NHSL2: variants seen among roughly 807,000 people sequenced by gnomAD.
The protein encoded by NHSL2 is NHS like 2.
Under a neutral mutation model 53.4 loss-of-function variants are expected in NHSL2, and 27 were observed. That is an observed-to-expected ratio of 0.51 (90% CI 0.37 to 0.70). The LOEUF is 0.70. Among genes scored for constraint, NHSL2 ranks in the 30% least tolerant of loss-of-function variants. The pLI is 0.00. For missense variants in NHSL2, 892 were observed against 980.1 expected (o/e 0.91, Z 1.20); for synonymous variants, 408 against 404.1 (o/e 1.01, Z -0.12).
chrX:72,144,606 A>AG lies in NHSL2; in HGVS notation c.*1034dup, dbSNP rs1285882640. 4 of 910,944 alleles carry AG rather than the reference A, an allele frequency of 4.4e-6. No homozygotes were observed. The Admixed American group carries it at 1.0e-4, about 23-fold the overall frequency. 75.1% of individuals were successfully genotyped at this position (910,944 alleles called of 1,213,427 possible). On this transcript the variant is annotated 3_prime_UTR_variant, in exon 8 of 8. Coordinates refer to ENST00000633930, the MANE Select transcript of NHSL2 (RefSeq NM_001013627.3). ...TTGTGGTTGGTTTGGTTTTGTTTAA[A>AG]GGAAGTCCGACTCTGTTCCAAAAAC...
Position 72,132,152 on chromosome X carries a change from C to A in NHSL2, c.354C>A (p.Asn118Lys). 1 of 1,166,529 alleles carries A rather than the reference C, an allele frequency of 8.6e-7. No homozygotes were observed. Among genetic ancestry groups the A allele is most frequent in the Non-Finnish European group, 1.1e-6 (1 of 872,084 alleles). Reference protein sequence around the residue: ...HSRSSWRQPVNVFLSSGRPPS... With the variant: ...HSRSSWRQPVKVFLSSGRPPS... ...GGTCGTCATGGCGACAGCCAGTGAA[C>A]GTGTTCCTCTCCTCGGGCAGGCCCC... The change falls in exon 2 of 8, where the codon AAC (asparagine) becomes AAA (lysine). Residue 118 changes from asparagine (N) to lysine (K), a missense_variant. Coordinates refer to ENST00000633930, the MANE Select transcript of NHSL2 (RefSeq NM_001013627.3).
intron 1 of NHSL2, among the ~76,000 whole-genome samples, chrX:72,109,684 G>A (rs1451870091): frequency 9.0e-6 from 1 of 110,697 alleles, no homozygotes; most frequent in Non-Finnish European, 1.9e-5. Flanking sequence ...GGCCAGGCTG[G>A]TCTCGAACTC....
intron 1 of NHSL2, among the ~76,000 whole-genome samples, chrX:72,059,687 A>G: frequency 8.9e-6 from 1 of 111,812 alleles, no homozygotes; most frequent in East Asian, 2.8e-4. Context: ...GACAACTGGC[A>G]ATGAATGGAT....
intron 1 of NHSL2, among the ~76,000 whole-genome samples, chrX:71,980,566 TG>T (rs753078653): frequency 6.0e-4 from 1 of 1,673 alleles, no homozygotes; most frequent in African/African-American, 2.2e-3. Flanking sequence ...GTGGGGTGTG[TG>T]GGGTGTGTGT....
rs1427410792 is a variant in NHSL2, at chrX:72,143,250, T to C, written c.3357-3T>C. ...CACTCAGACCAAACTTTCTCTTATC[T>C]AGGTCCAAAAGGAAGCTGCTCGGCT... On this transcript the variant is annotated splice_polypyrimidine_tract_variant and splice_region_variant and intron_variant, in intron 7 of 7. Coordinates refer to ENST00000633930, the MANE Select transcript of NHSL2 (RefSeq NM_001013627.3). 8.7e-7 allele frequency: 1 copy of C among 1,146,322 alleles called. No homozygotes were observed. 94.5% of individuals were successfully genotyped at this position (1,146,322 alleles called of 1,213,427 possible). A position where few individuals can be genotyped will look rare whatever the true frequency, so the allele number is the denominator to read the frequency against.
chrX:71,936,234 C>T (rs759556037), intron 1 of NHSL2, among the ~76,000 whole-genome samples: 1 of 111,875 alleles, frequency 8.9e-6, no homozygotes, highest in Non-Finnish European at 1.9e-5. Flanking sequence ...GCAGGCTGTG[C>T]TCCCGAAGCC....
At chrX:71,932,260 C>T (rs777586762) in intron 1 of NHSL2, among the ~76,000 whole-genome samples, 66 of 110,115 alleles carry the variant, frequency 6.0e-4, no homozygotes, top group Non-Finnish European at 6.4e-4. Flanking sequence ...GCAAGAACAT[C>T]GTTCTCAAAG....
chrX:72,063,359 G>A (rs2042409844), intron 1 of NHSL2, among the ~76,000 whole-genome samples: 1 of 112,033 alleles, frequency 8.9e-6, no homozygotes, highest in African/African-American at 3.3e-5. Context: ...GGGCTACTAT[G>A]TGTCAGGCAC....
chrX:72,081,653 C>A (rs1022566644), intron 1 of NHSL2, among the ~76,000 whole-genome samples: 4 of 112,057 alleles, frequency 3.6e-5, no homozygotes, highest in Non-Finnish European at 7.5e-5. Flanking sequence ...AAAACAGACG[C>A]AGCTGCTCAA....
rs1357999088 is a variant in NHSL2 at position 72,139,132 on chromosome X, T to C, written c.1584T>C (p.Ser528=). The change falls in exon 6 of 8, where the codon AGT becomes AGC. Residue 528 remains serine, a synonymous_variant. Transcript: ENST00000633930. The part of the protein sequence containing the change: ...ANEACALPFA[S]TSSEGSNSAD... Reference sequence around the variant, plus strand: ...AGGCCTGTGCCCTGCCTTTTGCCAGTACGAGCTCTGAGGGCAGTAACAGTG... The same window carrying C: ...AGGCCTGTGCCCTGCCTTTTGCCAGCACGAGCTCTGAGGGCAGTAACAGTG... 3 of 1,170,886 alleles carry C rather than the reference T, an allele frequency of 2.6e-6. No homozygotes were observed. The highest frequency in any genetic ancestry group is 3.4e-6 in the Non-Finnish European group (3 of 874,842).
chrX:71,965,224 T>A (rs1395129228), intron 1 of NHSL2, among the ~76,000 whole-genome samples: 1 of 112,674 alleles, frequency 8.9e-6, no homozygotes, highest in East Asian at 2.8e-4. Flanking sequence ...CGTGTTATTG[T>A]CTGGGAGTTT....
intron 1 of NHSL2, among the ~76,000 whole-genome samples, chrX:71,969,618 G>A (rs1307475035): frequency 2.7e-5 from 3 of 112,145 alleles, no homozygotes; most frequent in Non-Finnish European, 5.6e-5. Context: ...CGGCCAAATG[G>A]TTTTCTTAAT....
intron 1 of NHSL2, among the ~76,000 whole-genome samples, chrX:72,001,967 A>G (rs1449345909): frequency 8.9e-6 from 1 of 112,957 alleles, no homozygotes; most frequent in Non-Finnish European, 1.9e-5. Flanking sequence ...CCAAATAATA[A>G]TGCCCACAGG....
chrX:72,123,303 T>G (rs1440655276), intron 1 of NHSL2, among the ~76,000 whole-genome samples: 4 of 111,855 alleles, frequency 3.6e-5, no homozygotes, highest in African/African-American at 1.3e-4. Flanking sequence ...TGAGATGGCA[T>G]AGATAATTAA....
rs562206683 is a variant in NHSL2, at chrX:71,915,372, A to G, written c.280+4005A>G. On this transcript the variant is annotated intron_variant, in intron 1 of 7. Transcript: ENST00000633930. ...GTGTGGTACCAACAATTCAGTCATT[A>G]ACCACCATATGTGTCATAACACTTG... Among the ~76,000 whole-genome samples the G allele has an allele frequency of 2.7e-5, 3 of 111,285 alleles. No individual in the cohort carries two copies. The South Asian group carries it at 1.2e-3, about 43-fold the overall frequency.
At chrX:72,076,514 A>G (rs2041744709) in intron 1 of NHSL2, among the ~76,000 whole-genome samples, 1 of 111,913 alleles carries the variant, frequency 8.9e-6, no homozygotes, top group Non-Finnish European at 1.9e-5. Context: ...ACCACTGCCC[A>G]AGAGTTGTTC....
chrX:72,020,643 A>T (rs2042155698), intron 1 of NHSL2, among the ~76,000 whole-genome samples: 1 of 112,279 alleles, frequency 8.9e-6, no homozygotes, highest in Non-Finnish European at 1.9e-5. Context: ...TTACTGCCCC[A>T]CCTGTCTGAG....
intron 3 of NHSL2, 130 bp downstream of exon 3, chrX:72,134,348 G>A: frequency 1.2e-6 from 1 of 863,256 alleles, no homozygotes; most frequent in Non-Finnish European, 1.6e-6. Context: ...AGGCCCCACT[G>A]GGATAGGCCC....
chrX:72,019,313 C>T (rs1191775553), intron 1 of NHSL2, among the ~76,000 whole-genome samples: 1 of 112,337 alleles, frequency 8.9e-6, no homozygotes. Flanking sequence ...ATTCAGAAAA[C>T]ACTCACTGTG....
Sources: gnomAD v4.1 joint callset for allele counts (sites outside exome capture counted in the v4.1 genomes callset) on GRCh38, gnomAD v4.1.1 for gene constraint, MANE v1.5 for transcripts, NCBI Gene and HGNC (gene_info 2026-07-23, HGNC 2026-07-21) for gene names.